Variants in SOX5 observed in about 807,000 individuals in gnomAD.
SOX5 encodes transcription factor SOX-5.
SOX5 carries 9 observed loss-of-function variants against 92.0 expected under a neutral mutation model. The ratio of observed to expected loss-of-function variants is 0.10; its 90% CI spans 0.06 to 0.17. The LOEUF is 0.17. SOX5 is among the 10% of genes least tolerant of loss of function. The probability of loss-of-function intolerance (pLI) is 1.00; values close to 1 mark genes in which losing one functional copy is unlikely to be tolerated. For synonymous variants in SOX5, 344 were observed against 336.3 expected, an observed-to-expected ratio of 1.02 and a Z score of -0.25; for missense variants, 642 against 944.5, an observed-to-expected ratio of 0.68 and a Z score of 4.20.
chr12:24,090,225 C>G (rs573861608), intron 4 of SOX5, among the ~76,000 whole-genome samples: 4 of 152,036 alleles, frequency 2.6e-5, no homozygotes, highest in Admixed American at 1.3e-4. Flanking sequence ...TGAAAAACAA[C>G]AAATCTATAG....
upstream of SOX5, chr12:24,562,497 TGC>T: frequency 6.5e-6 from 1 of 153,220 alleles, no homozygotes; most frequent in Non-Finnish European, 1.4e-5. Flanking sequence ...TGTGTGTGTG[TGC>T]GCGCGCGTGT....
intron 10 of SOX5, among the ~76,000 whole-genome samples, chr12:23,575,216 A>G (rs1001637001): frequency 2.0e-5 from 3 of 152,178 alleles, no homozygotes; most frequent in Non-Finnish European, 4.4e-5. Flanking sequence ...TAATCCTCAA[A>G]CAGAACGAAA....
chr12:23,748,169 A>G (rs1055986518), intron 4 of SOX5, among the ~76,000 whole-genome samples: 2 of 151,966 alleles, frequency 1.3e-5, no homozygotes, highest in African/African-American at 4.8e-5. Context: ...ATCTCCCAGT[A>G]GAGTATAAGC....
intron 3 of SOX5, among the ~76,000 whole-genome samples, chr12:23,785,911 T>C (rs1478309022): frequency 6.6e-6 from 1 of 152,060 alleles, no homozygotes; most frequent in Non-Finnish European, 1.5e-5. Flanking sequence ...AAATTAAAAA[T>C]TTTTTTCCTC....
chr12:23,681,461 G>A (rs1222725551), intron 6 of SOX5, among the ~76,000 whole-genome samples: 1 of 151,578 alleles, frequency 6.6e-6, no homozygotes, highest in Non-Finnish European at 1.5e-5. Flanking sequence ...GAGACCAAGA[G>A]ATTGAATATT....
intron 1 of SOX5, among the ~76,000 whole-genome samples, chr12:24,386,483 G>A (rs1227594065): frequency 2.0e-5 from 3 of 152,024 alleles, no homozygotes; most frequent in Non-Finnish European, 4.4e-5. Flanking sequence ...AAGGCCAGAC[G>A]CTTCATGAAA....
chr12:23,999,190 C>T (rs1455342599), intron 4 of SOX5, among the ~76,000 whole-genome samples: 1 of 127,126 alleles, frequency 7.9e-6, no homozygotes, highest in Non-Finnish European at 1.7e-5. Context: ...CATTGCTTCT[C>T]TTAAGTGATT....
chr12:24,137,408 G>A (rs574526123), intron 4 of SOX5, among the ~76,000 whole-genome samples: 8 of 152,114 alleles, frequency 5.3e-5, no homozygotes, highest in African/African-American at 1.2e-4. Flanking sequence ...CGAGGCGTGC[G>A]GATCACGAGG....
chr12:23,940,152 A>G (rs545018155), intron 1 of SOX5, among the ~76,000 whole-genome samples: 111 of 151,216 alleles, frequency 7.3e-4, no homozygotes, highest in Non-Finnish European at 1.4e-3. Flanking sequence ...ATTTAACCAT[A>G]TATAATTTAT....
At chr12:24,040,952 T>C (rs1424974685) in intron 4 of SOX5, among the ~76,000 whole-genome samples, 2 of 151,966 alleles carry the variant, frequency 1.3e-5, no homozygotes, top group African/African-American at 4.8e-5. Context: ...ATTGGGAAAA[T>C]GGTAGAATGC....
intron 3 of SOX5, among the ~76,000 whole-genome samples, chr12:24,231,354 A>G (rs1963361169): frequency 6.6e-6 from 1 of 152,160 alleles, no homozygotes; most frequent in African/African-American, 2.4e-5. Flanking sequence ...TTTGTGACTG[A>G]TTTTCTTACT....
chr12:24,435,354 A>G (rs552785299), intron 1 of SOX5, among the ~76,000 whole-genome samples: 3 of 152,318 alleles, frequency 2.0e-5, no homozygotes, highest in Admixed American at 1.3e-4. Flanking sequence ...TGCACTTCCT[A>G]GTACATGAGC....
chr12:24,187,815 A>G (rs551712524), intron 4 of SOX5, among the ~76,000 whole-genome samples: 2 of 152,284 alleles, frequency 1.3e-5, no homozygotes, highest in Admixed American at 6.5e-5. Context: ...CCAAAATTCA[A>G]TCTCATAGAA....
intron 10 of SOX5, 91 bp from the exon 11 acceptor site, chr12:23,563,494 GT>G: frequency 6.6e-6 from 7 of 1,064,968 alleles, no homozygotes; most frequent in Non-Finnish European, 8.3e-6. Flanking sequence ...TTGGTAATAG[GT>G]AGTGTCTGGC....
intron 3 of SOX5, among the ~76,000 whole-genome samples, chr12:24,218,796 C>G (rs1157757541): frequency 6.6e-6 from 1 of 151,922 alleles, no homozygotes; most frequent in Non-Finnish European, 1.5e-5. Context: ...CTCCCTGATA[C>G]ATAACATTAA....
intron 10 of SOX5, among the ~76,000 whole-genome samples, chr12:23,571,154 A>T (rs1294632555): frequency 2.0e-5 from 3 of 148,024 alleles, no homozygotes; most frequent in African/African-American, 7.4e-5. Flanking sequence ...TCCTGTCTCA[A>T]ATAATAATAA....
chr12:23,551,748 T>G (rs985501148), intron 11 of SOX5, among the ~76,000 whole-genome samples: 11 of 151,836 alleles, frequency 7.2e-5, no homozygotes, highest in African/African-American at 2.7e-4. Flanking sequence ...CATCCTCTGG[T>G]CTAGGTATCC....
intron 4 of SOX5, among the ~76,000 whole-genome samples, chr12:24,142,160 A>G (rs2138674947): frequency 6.6e-6 from 1 of 152,302 alleles, no homozygotes; most frequent in East Asian, 1.9e-4. Flanking sequence ...AGAAACAGAA[A>G]CATCAAATCC....
intron 1 of SOX5, among the ~76,000 whole-genome samples, chr12:24,476,922 G>T (rs1415354177): frequency 6.7e-6 from 1 of 148,362 alleles, no homozygotes; most frequent in African/African-American, 2.5e-5. Context: ...AAGCACTTTG[G>T]GAGACCAAGG....
Sources: gnomAD v4.1 joint callset for allele counts (sites outside exome capture counted in the v4.1 genomes callset) on GRCh38, gnomAD v4.1.1 for gene constraint, MANE v1.5 for transcripts, NCBI Gene and HGNC (gene_info 2026-07-23, HGNC 2026-07-21) for gene names.